NAE1: variants seen among roughly 807,000 people sequenced by gnomAD.
The protein encoded by NAE1 is NEDD8 activating enzyme E1 subunit 1, also known as NEDD8-activating enzyme E1 regulatory subunit.
Under a neutral mutation model 88.0 loss-of-function variants are expected in NAE1, and 59 were observed. That is an observed-to-expected ratio of 0.67 (90% CI 0.54 to 0.83). The LOEUF (loss-of-function observed/expected upper bound fraction) is 0.83, where lower values mean the gene tolerates loss of function less well. Among genes scored for constraint, NAE1 ranks in the 40% least tolerant of loss-of-function variants. The pLI is 0.00. For synonymous variants in NAE1, 186 were observed against 208.9 expected, an observed-to-expected ratio of 0.89 and a Z score of 0.95; for missense variants, 554 against 632.8, an observed-to-expected ratio of 0.88 and a Z score of 1.34.
intron 4 of NAE1, among the ~76,000 whole-genome samples, chr16:66,824,312 G>A (rs934915057): frequency 6.6e-6 from 1 of 152,086 alleles, no homozygotes. Flanking sequence ...GATTTTTTAG[G>A]CTGGGCGTGG....
chr16:66,806,272 G>A (rs1162179319), intron 17 of NAE1: 2 of 339,620 alleles, frequency 5.9e-6, no homozygotes, highest in Non-Finnish European at 1.1e-5. Context: ...GTCTAGAAAA[G>A]CATCTGGCAC....
chr16:66,816,834 T>G (rs1248650528), intron 10 of NAE1, 131 bp downstream of exon 10: 3 of 1,444,314 alleles, frequency 2.1e-6, no homozygotes, highest in Non-Finnish European at 2.8e-6. Flanking sequence ...GCTTCTTAAC[T>G]TCTCCAGAAG....
intron 1 of NAE1, chr16:66,827,970 G>A: frequency 6.2e-7 from 1 of 1,610,054 alleles, no homozygotes; most frequent in South Asian, 1.1e-5. Flanking sequence ...ACAGGCACAA[G>A]CCACTGTACC....
In NAE1 at chr16:66,805,905, TACTC is replaced by T. The variant is rs1459107475; in HGVS notation, c.1445+3_1445+6del. The stretch of plus-strand genomic sequence containing the variant: ...ATCATCTCCTAGATACCCTAAAAAA[TACTC>T]ACAATTCGTGGACATAATCATCTTT... On this transcript the variant is annotated splice_donor_5th_base_variant and intron_variant, in intron 18 of 19. Coordinates refer to ENST00000290810, the MANE Select transcript of NAE1 (RefSeq NM_003905.4). 2 of 1,607,038 alleles carry T rather than the reference TACTC, an allele frequency of 1.2e-6. No individual in the cohort carries two copies. The highest frequency in any genetic ancestry group is 3.4e-5 in the Admixed American group (2 of 58,236).
At position 66,813,828 on chromosome 16, in the gene NAE1, C is replaced by T. The variant is rs1051335105; in HGVS notation, c.859G>A (p.Asp287Asn). The T allele has an allele frequency of 1.2e-6, 2 of 1,613,544 alleles. No homozygotes were observed. Among genetic ancestry groups the T allele is most frequent in the African/African-American group, 2.7e-5 (2 of 75,042 alleles). ...ATGCAGCGATCATCATTAAATATATCTTCAATACTGCTTGGGATCTAACAA... is the reference window on the plus strand; with the variant it reads ...ATGCAGCGATCATCATTAAATATATTTTCAATACTGCTTGGGATCTAACAA... ...NTTQIPSSIE[D>N]IFNDDRCINI... Residue 287 changes from aspartate to asparagine, a missense_variant, in exon 12 of 20, where the codon GAT becomes AAT. Physicochemically the swap from Asp to Asn is conservative, Grantham distance 23. Transcript: ENST00000290810.
chr16:66,814,611 ACACAC>A (rs1959965495), intron 11 of NAE1, among the ~76,000 whole-genome samples: 1 of 51,690 alleles, frequency 1.9e-5, no homozygotes, highest in African/African-American at 1.1e-4. Flanking sequence ...AAAAAAAAAT[ACACAC>A]ACACACACAC....
At chr16:66,813,987 T>C (rs1959931490) in intron 11 of NAE1, 141 bp from the exon 12 acceptor site, 4 of 828,790 alleles carry the variant, frequency 4.8e-6, no homozygotes, top group Non-Finnish European at 7.4e-6. Flanking sequence ...TATAATTTTA[T>C]TTAGAATCAG....
At position 66,830,911 on chromosome 16, in the gene NAE1, C is replaced by A. The variant is rs759626496; in HGVS notation, c.-12G>T. ...CCCAGCTGCGCCATGGCCGCGCCTG[C>A]CGCGCGGAAAACAGCCGAGCCCCTG... On this transcript the variant is annotated 5_prime_UTR_variant, in exon 1 of 20. Coordinates refer to ENST00000290810, the MANE Select transcript of NAE1 (RefSeq NM_003905.4). 1.1e-4 allele frequency: 166 copies of A among 1,532,048 alleles called. No homozygotes were observed. Among genetic ancestry groups the A allele is most frequent in the Non-Finnish European group, 1.3e-4 (154 of 1,148,266 alleles). 94.9% of individuals were successfully genotyped at this position (1,532,048 alleles called of 1,614,324 possible). A position where few individuals can be genotyped will look rare whatever the true frequency, so the allele number is the denominator to read the frequency against.
At chr16:66,816,414 C>T (rs1384432971) in intron 11 of NAE1, among the ~76,000 whole-genome samples, 167 bp downstream of exon 11, 1 of 152,236 alleles carries the variant, frequency 6.6e-6, no homozygotes, top group Non-Finnish European at 1.5e-5. Flanking sequence ...ATCCACCCGC[C>T]TCAGCCTCCC....
At chr16:66,809,128 T>C (rs1959689699) in intron 15 of NAE1, 53 bp from the exon 16 acceptor site, 6 of 1,365,910 alleles carry the variant, frequency 4.4e-6, no homozygotes, top group Admixed American at 1.8e-5. Flanking sequence ...GTGAATATTA[T>C]GAATCACAGG....
intron 5 of NAE1, 72 bp downstream of exon 5, chr16:66,823,457 A>C (rs964282565): frequency 6.9e-7 from 1 of 1,446,044 alleles, no homozygotes; most frequent in East Asian, 2.3e-5. Context: ...CAAAATTCTA[A>C]ATTTCTGGGG....
rs1960136283 is a variant in NAE1 at position 66,818,468 on chromosome 16, C to T, written c.621+60G>A. On this transcript the variant is annotated intron_variant, in intron 8 of 19. Transcript: ENST00000290810. ...TCTCACTTTAGTGTAATTCAAAAACCTTAGGTTAAAAAAATGTTTTAAGTC... is the reference window on the plus strand; with the variant it reads ...TCTCACTTTAGTGTAATTCAAAAACTTTAGGTTAAAAAAATGTTTTAAGTC... 9 of 1,326,104 alleles carry T rather than the reference C, an allele frequency of 6.8e-6. No homozygotes were observed. The Middle Eastern group carries it at 7.6e-4, about 111-fold the overall frequency. The allele number at this position is 1,326,104 out of a possible 1,614,324, so 82.1% of individuals were successfully genotyped here.
chr16:66,821,325 T>C (rs571189622), intron 7 of NAE1, 125 bp downstream of exon 7: 24 of 1,231,152 alleles, frequency 1.9e-5, no homozygotes, highest in Non-Finnish European at 2.4e-5. Flanking sequence ...CCACTTTGAA[T>C]CTGCAACTAG....
At chr16:66,829,005 AAG>A (rs1445268790) in intron 1 of NAE1, among the ~76,000 whole-genome samples, 3 of 152,016 alleles carry the variant, frequency 2.0e-5, no homozygotes, top group Non-Finnish European at 1.5e-5. Flanking sequence ...AAAAAAAAAA[AAG>A]AATCCTGGTG....
intron 1 of NAE1, chr16:66,828,051 C>T (rs1960534276): frequency 2.5e-6 from 4 of 1,613,670 alleles, no homozygotes; most frequent in Non-Finnish European, 8.5e-7. Context: ...AGGGCCCAGA[C>T]AGCTGTCAAA....
At chr16:66,815,486 A>G (rs1264851140) in intron 11 of NAE1, among the ~76,000 whole-genome samples, 1 of 151,900 alleles carries the variant, frequency 6.6e-6, no homozygotes, top group Admixed American at 6.6e-5. Flanking sequence ...GCTCCAGAGT[A>G]GCTGAGACTA....
At chr16:66,830,821 C>T (rs571966581) in intron 1 of NAE1, 26 bp downstream of exon 1, 279 of 1,508,724 alleles carry the variant, frequency 1.8e-4, no homozygotes, top group Admixed American at 2.5e-4. Flanking sequence ...GCCGGCCCGC[C>T]CTCGGCTCGG....
Position 66,803,054 on chromosome 16 carries a change from G to T in NAE1, c.1560C>A (p.Tyr520Ter). The stretch of plus-strand genomic sequence containing the variant: ...AAGTTTGTGACATGCCACTGTAAAT[G>T]TAAGTATTATTAAAAATTACAAATT... ...TKQFVIFNNT[Y>*]IYSGMSQTSA... is the part of the protein sequence containing the mutation. Residue 520 changes from tyrosine (Y) to a stop codon, truncating the protein, a stop_gained, in exon 20 of 20, where the codon TAC (tyrosine) becomes TAA (stop). Transcript: ENST00000290810. LOFTEE classifies it high-confidence loss of function. 6.2e-7 allele frequency: 1 copy of T among 1,612,588 alleles called. No individual in the cohort carries two copies. The highest frequency in any genetic ancestry group is 8.5e-7 in the Non-Finnish European group (1 of 1,178,980).
intron 5 of NAE1, 40 bp from the exon 6 acceptor site, chr16:66,823,346 C>A: frequency 6.7e-7 from 1 of 1,482,602 alleles, no homozygotes; most frequent in Non-Finnish European, 9.2e-7. Context: ...CAAAAAAAAC[C>A]AATTTCACAA....
Sources: gnomAD v4.1 joint callset for allele counts (sites outside exome capture counted in the v4.1 genomes callset) on GRCh38, gnomAD v4.1.1 for gene constraint, MANE v1.5 for transcripts, NCBI Gene and HGNC (gene_info 2026-07-23, HGNC 2026-07-21) for gene names.